Variants in MTSS1 observed in about 807,000 individuals in gnomAD.
MTSS1 encodes protein MTSS 1.
A neutral mutation model predicts 79.0 loss-of-function variants in MTSS1; 18 were observed. The ratio of observed to expected loss-of-function variants is 0.23; its 90% CI spans 0.16 to 0.34. The LOEUF is 0.34. Among genes scored for constraint, MTSS1 ranks in the 10% least tolerant of loss-of-function variants. The pLI is 1.00. For missense variants in MTSS1, 815 were observed against 986.2 expected (o/e 0.83, Z 2.33); for synonymous variants, 341 against 368.6 (o/e 0.93, Z 0.86).
intron 3 of MTSS1, among the ~76,000 whole-genome samples, chr8:124,621,697 C>T (rs1318562836): frequency 6.6e-6 from 1 of 152,080 alleles, no homozygotes; most frequent in Non-Finnish European, 1.5e-5. Flanking sequence ...TACAGGTGCA[C>T]GCCACCACAC....
intron 3 of MTSS1, among the ~76,000 whole-genome samples, chr8:124,600,115 C>T (rs16899847): frequency 0.035 from 5,273 of 151,918 alleles, 251 homozygotes; most frequent in East Asian, 0.2. Flanking sequence ...ATAAATCACA[C>T]CCAAAATGCA....
At chr8:124,707,236 C>T (rs73345867) in intron 1 of MTSS1, among the ~76,000 whole-genome samples, 13 of 151,892 alleles carry the variant, frequency 8.6e-5, no homozygotes, top group Non-Finnish European at 1.2e-4. Flanking sequence ...ATTATTAAGA[C>T]GATCAAAGTA....
At chr8:124,702,146 C>T (rs1370735175) in intron 2 of MTSS1, among the ~76,000 whole-genome samples, 4 of 152,306 alleles carry the variant, frequency 2.6e-5, no homozygotes, top group Admixed American at 1.3e-4. Flanking sequence ...TAACAATTTT[C>T]TTGGTCTACT....
intron 3 of MTSS1, among the ~76,000 whole-genome samples, chr8:124,686,524 C>T (rs1290055669): frequency 6.6e-6 from 1 of 152,246 alleles, no homozygotes; most frequent in Non-Finnish European, 1.5e-5. Flanking sequence ...TGAATGATTT[C>T]AAACCTAGCT....
chr8:124,720,558 A>G (rs1447551631), intron 1 of MTSS1, among the ~76,000 whole-genome samples: 1 of 152,210 alleles, frequency 6.6e-6, no homozygotes. Context: ...CCTAATAAAC[A>G]AACAGTAGGG....
intron 3 of MTSS1, among the ~76,000 whole-genome samples, chr8:124,623,621 G>A (rs957782317): frequency 3.3e-5 from 5 of 151,530 alleles, no homozygotes; most frequent in African/African-American, 1.2e-4. Flanking sequence ...AGGATCTTCT[G>A]TGTTTTTTTG....
chr8:124,700,511 T>C (rs1829557962), intron 2 of MTSS1, among the ~76,000 whole-genome samples: 1 of 152,224 alleles, frequency 6.6e-6, no homozygotes, highest in South Asian at 2.1e-4. Context: ...CCCTAGATCC[T>C]AGTTATAATG....
At chr8:124,643,384 A>C (rs1206147488) in intron 3 of MTSS1, among the ~76,000 whole-genome samples, 2 of 152,150 alleles carry the variant, frequency 1.3e-5, no homozygotes, top group Non-Finnish European at 2.9e-5. Flanking sequence ...CGGAAAAATG[A>C]TTACAATATG....
chr8:124,557,716 C>A lies in MTSS1; in HGVS notation c.1195G>T (p.Gly399Cys). 2 of 1,593,866 alleles carry A rather than the reference C, an allele frequency of 1.3e-6. No homozygotes were observed. Among genetic ancestry groups the A allele is most frequent in the Non-Finnish European group, 1.7e-6 (2 of 1,170,166 alleles). The change falls in exon 11 of 14, where the codon GGC becomes TGC. Residue 399 changes from glycine (G) to cysteine (C), a missense_variant. Around this residue, in one of 2 missense-constraint regions of MTSS1, gnomAD observed 590 missense variants for 620.8 expected, o/e 0.95. Coordinates refer to ENST00000518547, the MANE Select transcript of MTSS1 (RefSeq NM_014751.6). ...GGGATCTGAGATGACGGGAACATGCCGGGCCCAATGGTGTAATAATGAGCG... is the reference window on the plus strand; with the variant it reads ...GGGATCTGAGATGACGGGAACATGCAGGGCCCAATGGTGTAATAATGAGCG... The part of the protein sequence containing the change: ...DYAHYYTIGP[G>C]MFPSSQIPSW...
At chr8:124,726,101 A>G (rs561174996) in intron 1 of MTSS1, among the ~76,000 whole-genome samples, 1 of 152,382 alleles carries the variant, frequency 6.6e-6, no homozygotes, top group Admixed American at 6.5e-5. Context: ...ACTGGGCATT[A>G]AAGAAAATGT....
chr8:124,631,182 G>A (rs911183066), intron 3 of MTSS1, among the ~76,000 whole-genome samples: 9 of 152,212 alleles, frequency 5.9e-5, no homozygotes, highest in Non-Finnish European at 7.3e-5. Context: ...CTTTGGGAAG[G>A]TGGGGCACGG....
intron 3 of MTSS1, among the ~76,000 whole-genome samples, chr8:124,640,045 T>C (rs1817736400): frequency 1.3e-5 from 2 of 152,256 alleles, no homozygotes; most frequent in African/African-American, 2.4e-5. Flanking sequence ...ATTTATTCCC[T>C]GGATCCTCCC....
intron 3 of MTSS1, among the ~76,000 whole-genome samples, chr8:124,625,220 T>G (rs1193248006): frequency 6.6e-6 from 1 of 152,204 alleles, no homozygotes; most frequent in Non-Finnish European, 1.5e-5. Context: ...GAAAGGACAC[T>G]TGATCTCTCT....
chr8:124,599,368 G>C (rs1222353780), intron 3 of MTSS1, among the ~76,000 whole-genome samples: 4 of 151,390 alleles, frequency 2.6e-5, no homozygotes, highest in South Asian at 4.2e-4. Flanking sequence ...CTGTAATCCC[G>C]GCTACTCAGG....
At chr8:124,651,634 C>T (rs1197650896) in intron 3 of MTSS1, among the ~76,000 whole-genome samples, 1 of 152,134 alleles carries the variant, frequency 6.6e-6, no homozygotes, top group Non-Finnish European at 1.5e-5. Context: ...GCAAGAAAAG[C>T]AGTTATTTCG....
At chr8:124,680,962 G>A (rs961795071) in intron 3 of MTSS1, among the ~76,000 whole-genome samples, 4 of 152,124 alleles carry the variant, frequency 2.6e-5, no homozygotes, top group Non-Finnish European at 5.9e-5. Context: ...TAGACCGCAG[G>A]AGAGGAGCTC....
At chr8:124,667,633 A>G (rs1823345044) in intron 3 of MTSS1, among the ~76,000 whole-genome samples, 1 of 151,486 alleles carries the variant, frequency 6.6e-6, no homozygotes, top group Non-Finnish European at 1.5e-5. Flanking sequence ...AACAGAAGCG[A>G]AACTCCGTCT....
intron 3 of MTSS1, among the ~76,000 whole-genome samples, chr8:124,664,285 C>T (rs1454398936): frequency 6.6e-6 from 1 of 152,196 alleles, no homozygotes; most frequent in African/African-American, 2.4e-5. Context: ...TAATTAAAGT[C>T]TCCTGAGACA....
At chr8:124,700,862 C>T (rs945523589) in intron 2 of MTSS1, among the ~76,000 whole-genome samples, 4 of 152,156 alleles carry the variant, frequency 2.6e-5, no homozygotes, top group Non-Finnish European at 5.9e-5. Context: ...TCAGCCTTTA[C>T]TGAGCGTTCC....
Sources: allele counts gnomAD v4.1 joint callset (sites outside exome capture counted in the v4.1 genomes callset), GRCh38; gene constraint gnomAD v4.1.1; regional missense constraint gnomAD v4.1.1; transcripts MANE v1.5; gene names NCBI Gene and HGNC (gene_info 2026-07-23, HGNC 2026-07-21).